FA2H: variants seen among roughly 807,000 people sequenced by gnomAD.
FA2H encodes fatty acid 2-hydroxylase, also known as fatty acid alpha-hydroxylase.
Under a neutral mutation model 44.9 loss-of-function variants are expected in FA2H, and 22 were observed. That is an observed-to-expected ratio of 0.49 (90% CI 0.35 to 0.70). The LOEUF (loss-of-function observed/expected upper bound fraction) is 0.70, where lower values mean the gene tolerates loss of function less well. Among genes scored for constraint, FA2H ranks in the 30% least tolerant of loss-of-function variants. The pLI is 0.01. For missense variants in FA2H, 501 were observed against 504.9 expected (o/e 0.99, Z 0.07); for synonymous variants, 243 against 213.2 (o/e 1.14, Z -1.22).
intron 2 of FA2H, among the ~76,000 whole-genome samples, chr16:74,734,125 GAC>G (rs922384940): frequency 2.6e-5 from 4 of 152,264 alleles, no homozygotes; most frequent in Admixed American, 1.3e-4. Context: ...AGGCTCGGGG[GAC>G]AGAGGGAAGG....
At chr16:74,726,864 C>T (rs1345860235) in intron 3 of FA2H, among the ~76,000 whole-genome samples, 1 of 152,188 alleles carries the variant, frequency 6.6e-6, no homozygotes, top group Non-Finnish European at 1.5e-5. Context: ...AGATGAGTTA[C>T]TGGCAGAAAA....
Position 74,746,366 on chromosome 16 carries a change from A to T in FA2H, c.271-6251T>A, listed in dbSNP as rs1290066177. Among the ~76,000 whole-genome samples the T allele has an allele frequency of 5.7e-5, 6 of 105,742 alleles. No individual in the cohort carries two copies. The East Asian group carries it at 1.3e-3, about 22-fold the overall frequency. The allele number at this position is 105,742 out of a possible 152,430, so 69.4% of individuals were successfully genotyped here. The stretch of plus-strand genomic sequence containing the variant: ...CCTTGAACTCCTGGGCTCAATTATT[A>T]TTATTATTATTATTTTTTTTTTGGT... On this transcript the variant is annotated intron_variant, in intron 1 of 6. Coordinates refer to ENST00000219368, the MANE Select transcript of FA2H (RefSeq NM_024306.5).
At chr16:74,721,295 G>C (rs1961832809) in intron 4 of FA2H, among the ~76,000 whole-genome samples, 1 of 152,124 alleles carries the variant, frequency 6.6e-6, no homozygotes, top group African/African-American at 2.4e-5. Context: ...AGCCTCCCGG[G>C]TAGCTGGGAT....
chr16:74,729,096 C>T (rs1962023192), intron 2 of FA2H, among the ~76,000 whole-genome samples: 6 of 150,858 alleles, frequency 4.0e-5, no homozygotes, highest in Admixed American at 2.7e-4. Flanking sequence ...CTGCAACCTC[C>T]GCCTCCCGGG....
chr16:74,750,917 G>A (rs1962516029), intron 1 of FA2H, among the ~76,000 whole-genome samples: 1 of 151,912 alleles, frequency 6.6e-6, no homozygotes, highest in Admixed American at 6.6e-5. Context: ...GAGTAGTTAG[G>A]ACTATAGGCA....
chr16:74,737,263 G>A (rs1203909846), intron 2 of FA2H, among the ~76,000 whole-genome samples: 1 of 152,172 alleles, frequency 6.6e-6, no homozygotes, highest in African/African-American at 2.4e-5. Flanking sequence ...AGCTGAGAGT[G>A]GTGGGCAGCT....
At chr16:74,760,117 G>A (rs1304462985) in intron 1 of FA2H, among the ~76,000 whole-genome samples, 1 of 152,164 alleles carries the variant, frequency 6.6e-6, no homozygotes, top group Non-Finnish European at 1.5e-5. Context: ...CTGAGTTCCT[G>A]AAGAAAGTTG....
intron 2 of FA2H, among the ~76,000 whole-genome samples, chr16:74,734,516 C>T (rs1263884837): frequency 6.6e-6 from 1 of 152,234 alleles, no homozygotes; most frequent in Non-Finnish European, 1.5e-5. Context: ...TGCCCCTCCC[C>T]CAGCCTGCTC....
chr16:74,724,182 G>A (rs1327236325), intron 4 of FA2H, among the ~76,000 whole-genome samples: 1 of 152,136 alleles, frequency 6.6e-6, no homozygotes, highest in Admixed American at 6.6e-5. Context: ...GATTACAGGC[G>A]TGAGCCACCG....
intron 4 of FA2H, among the ~76,000 whole-genome samples, chr16:74,723,948 C>G (rs972146461): frequency 3.9e-5 from 6 of 152,090 alleles, no homozygotes; most frequent in African/African-American, 1.2e-4. Flanking sequence ...GTCATCCAGG[C>G]TAGAGTGCAG....
intron 1 of FA2H, among the ~76,000 whole-genome samples, chr16:74,759,843 G>A (rs894655992): frequency 1.8e-4 from 27 of 152,126 alleles, no homozygotes; most frequent in African/African-American, 6.0e-4. Context: ...CCACCTCCTA[G>A]GGGTCCCCTC....
chr16:74,733,900 C>T (rs1465730839), intron 2 of FA2H, among the ~76,000 whole-genome samples: 3 of 152,204 alleles, frequency 2.0e-5, no homozygotes, highest in East Asian at 1.9e-4. Flanking sequence ...CCCAGGAAAG[C>T]GTCCTATGCC....
chr16:74,764,946 A>C (rs536701651), intron 1 of FA2H, among the ~76,000 whole-genome samples: 33 of 151,974 alleles, frequency 2.2e-4, no homozygotes, highest in African/African-American at 7.5e-4. Flanking sequence ...CTTGATTGAG[A>C]TTTTCTATGG....
chr16:74,761,004 C>A (rs983121984), intron 1 of FA2H, among the ~76,000 whole-genome samples: 1 of 152,114 alleles, frequency 6.6e-6, no homozygotes, highest in Non-Finnish European at 1.5e-5. Context: ...AGAATGGATG[C>A]TGGGCTTAAC....
rs1302771958 is a variant in FA2H, at chr16:74,740,102, T to C, written c.284A>G (p.Asn95Ser). The change falls in exon 2 of 7, where the codon AAC (asparagine) becomes AGC (serine). Residue 95 changes from asparagine (N) to serine (S), a missense_variant. Coordinates refer to ENST00000219368, the MANE Select transcript of FA2H (RefSeq NM_024306.5). ...LRGEQQGSME[N>S]EPVALEETQK... ...AGTTTCCTCAAGGGCTACAGGCTCG[T>C]TCTCCATGGAGCCCTGGAAGGAGAA... 1 of 1,613,016 alleles carries C rather than the reference T, an allele frequency of 6.2e-7. No homozygotes were observed. Among genetic ancestry groups the C allele is most frequent in the Non-Finnish European group, 8.5e-7 (1 of 1,179,036 alleles).
At chr16:74,759,280 C>T (rs1962666416) in intron 1 of FA2H, among the ~76,000 whole-genome samples, 1 of 152,204 alleles carries the variant, frequency 6.6e-6, no homozygotes, top group Admixed American at 6.5e-5. Context: ...TCCATTTTCC[C>T]AAGTCAGACC....
chr16:74,716,730 G>A, intron 5 of FA2H, 131 bp from the exon 6 acceptor site: 1 of 1,077,640 alleles, frequency 9.3e-7, no homozygotes, highest in Non-Finnish European at 1.3e-6. Context: ...TGGCACCTTT[G>A]GTGGCTTTGG....
chr16:74,763,042 T>C (rs1249603302), intron 1 of FA2H, among the ~76,000 whole-genome samples: 2 of 152,164 alleles, frequency 1.3e-5, no homozygotes, highest in Non-Finnish European at 2.9e-5. Flanking sequence ...CACAGGATCA[T>C]GGAAGCTGGA....
intron 2 of FA2H, among the ~76,000 whole-genome samples, chr16:74,736,283 T>C (rs1962178390): frequency 6.6e-6 from 1 of 152,028 alleles, no homozygotes; most frequent in Admixed American, 6.6e-5. Flanking sequence ...TGTTGGGCCC[T>C]CCAGACCCCT....
Sources: allele counts gnomAD v4.1 joint callset (sites outside exome capture counted in the v4.1 genomes callset), GRCh38; gene constraint gnomAD v4.1.1; transcripts MANE v1.5; gene names NCBI Gene and HGNC (gene_info 2026-07-23, HGNC 2026-07-21).